The following TENM3 variants were observed in gnomAD, a reference collection of about 807,000 sequenced individuals.
TENM3 encodes teneurin transmembrane protein 3, also known as teneurin-3.
TENM3 carries 63 observed loss-of-function variants against 255.1 expected under a neutral mutation model. The observed-to-expected ratio is 0.25, with a 90% CI of 0.20 to 0.30. The LOEUF (loss-of-function observed/expected upper bound fraction) is 0.30, where lower values mean the gene tolerates loss of function less well. Among genes scored for constraint, TENM3 ranks in the 10% least tolerant of loss-of-function variants. TENM3 has a pLI of 1.00. For synonymous variants in TENM3, 1,306 were observed against 1,322.3 expected, an observed-to-expected ratio of 0.99 and a Z score of 0.27; for missense variants, 2,929 against 3,461.1, an observed-to-expected ratio of 0.85 and a Z score of 3.86.
At chr4:182,003,976 C>T in the TENM3 span, among the ~76,000 whole-genome samples, 13 of 151,856 alleles carry the variant, frequency 8.6e-5, no homozygotes, top group Non-Finnish European at 5.9e-5. Context: ...TATTCTCACT[C>T]TCTTAATGCC....
chr4:182,232,389 C>G (rs1450831011), intron 1 of TENM3, among the ~76,000 whole-genome samples: 1 of 152,102 alleles, frequency 6.6e-6, no homozygotes, highest in Non-Finnish European at 1.5e-5. Flanking sequence ...TGTTGTATAC[C>G]TATTATGTAC....
intron 1 of TENM3, among the ~76,000 whole-genome samples, chr4:182,254,322 T>TC (rs1348909952): frequency 2.8e-4 from 38 of 137,880 alleles, no homozygotes; most frequent in African/African-American, 1.2e-3. Flanking sequence ...TTGAGGACTT[T>TC]TTCTCTCTCT....
chr4:181,460,176 T>C, the TENM3 span, among the ~76,000 whole-genome samples: 5 of 152,026 alleles, frequency 3.3e-5, no homozygotes, highest in Non-Finnish European at 7.4e-5. Flanking sequence ...TTCTGCAATG[T>C]AATAAAATTT....
At position 182,801,672 on chromosome 4, in the gene TENM3, G is replaced by C. The variant is rs1321853007; in HGVS notation, c.*1321G>C. The stretch of plus-strand genomic sequence containing the variant: ...GGAAAGACAGCAGAAACCGAGCAGT[G>C]GTGGGTGAGCCAGATGGAGCCGGTC... On this transcript the variant is annotated 3_prime_UTR_variant, in exon 28 of 28. Transcript: ENST00000511685. 6.6e-6 allele frequency: 1 copy of C among 152,196 alleles called. No individual in the cohort carries two copies. Among genetic ancestry groups the C allele is most frequent in the Admixed American group, 6.5e-5 (1 of 15,276 alleles). 9.4% of individuals were successfully genotyped at this position (152,196 alleles called of 1,614,324 possible). A position where few individuals can be genotyped will look rare whatever the true frequency, so the allele number is the denominator to read the frequency against.
chr4:182,429,240 C>G (rs143660431), intron 3 of TENM3, among the ~76,000 whole-genome samples: 290 of 152,092 alleles, frequency 1.9e-3, no homozygotes, highest in African/African-American at 6.5e-3. Context: ...ATTTAGGAAC[C>G]CCAGAGGTAA....
intron 3 of TENM3, among the ~76,000 whole-genome samples, chr4:182,401,121 T>C (rs1769191899): frequency 1.3e-5 from 2 of 152,192 alleles, no homozygotes; most frequent in African/African-American, 4.8e-5. Flanking sequence ...TTGGAGTTTT[T>C]TTCCCGATGA....
At chr4:182,625,470 C>T (rs984556337) in intron 4 of TENM3, among the ~76,000 whole-genome samples, 2 of 152,112 alleles carry the variant, frequency 1.3e-5, no homozygotes, top group Non-Finnish European at 2.9e-5. Flanking sequence ...AGTTTCACCC[C>T]GAAACCATCC....
intron 3 of TENM3, among the ~76,000 whole-genome samples, chr4:182,370,942 T>G (rs1766763879): frequency 6.6e-6 from 1 of 152,188 alleles, no homozygotes; most frequent in African/African-American, 2.4e-5. Flanking sequence ...ATGGTTTTTC[T>G]GAATTTGCCT....
At chr4:182,023,184 C>T in the TENM3 span, among the ~76,000 whole-genome samples, 3 of 152,242 alleles carry the variant, frequency 2.0e-5, no homozygotes, top group East Asian at 5.8e-4. Flanking sequence ...TTTAAGAAAA[C>T]ATTCCTCTTT....
intron 1 of TENM3, among the ~76,000 whole-genome samples, chr4:182,253,763 A>C (rs898401936): frequency 6.6e-6 from 1 of 152,224 alleles, no homozygotes; most frequent in African/African-American, 2.4e-5. Context: ...TATCTAATCT[A>C]TTTTGTTTAA....
At chr4:182,463,593 G>T (rs1405868420) in intron 3 of TENM3, among the ~76,000 whole-genome samples, 1 of 151,530 alleles carries the variant, frequency 6.6e-6, no homozygotes, top group Non-Finnish European at 1.5e-5. Flanking sequence ...CAAGTAGCTG[G>T]GATTACAGGC....
chr4:182,696,010 GT>G (rs1396919715), intron 12 of TENM3, among the ~76,000 whole-genome samples: 1 of 152,140 alleles, frequency 6.6e-6, no homozygotes, highest in Non-Finnish European at 1.5e-5. Context: ...AATCACATGA[GT>G]GCACCAGAAA....
the TENM3 span, among the ~76,000 whole-genome samples, chr4:181,834,050 G>A: frequency 5.9e-5 from 9 of 151,630 alleles, no homozygotes; most frequent in South Asian, 4.2e-4. Flanking sequence ...CTCCATTGAC[G>A]TGCATTTTAG....
At chr4:182,458,450 G>A (rs1774041920) in intron 3 of TENM3, among the ~76,000 whole-genome samples, 1 of 152,182 alleles carries the variant, frequency 6.6e-6, no homozygotes, top group South Asian at 2.1e-4. Context: ...TTAGGAAGTT[G>A]AGTAAATTAG....
At chr4:182,394,431 G>A (rs182647981) in intron 3 of TENM3, among the ~76,000 whole-genome samples, 199 of 152,196 alleles carry the variant, frequency 1.3e-3, no homozygotes, top group Non-Finnish European at 2.5e-3. Context: ...CACTTATCTT[G>A]TGAAAAAATA....
the TENM3 span, among the ~76,000 whole-genome samples, chr4:181,945,501 G>A: frequency 6.6e-6 from 1 of 152,126 alleles, no homozygotes; most frequent in South Asian, 2.1e-4. Flanking sequence ...AAGAGCCCCT[G>A]CTGTCCTCAA....
chr4:182,487,155 A>G (rs1299577243), intron 3 of TENM3, among the ~76,000 whole-genome samples: 1 of 152,196 alleles, frequency 6.6e-6, no homozygotes, highest in African/African-American at 2.4e-5. Context: ...GTGGGATACA[A>G]TGTGGAAGAG....
the TENM3 span, among the ~76,000 whole-genome samples, chr4:181,684,192 C>A: frequency 0.031 from 4,760 of 152,180 alleles, 237 homozygotes; most frequent in African/African-American, 0.11. Context: ...GATTCCGGTT[C>A]CTATGCAGTG....
chr4:182,552,308 T>C (rs1261753670), intron 3 of TENM3, among the ~76,000 whole-genome samples: 10 of 152,262 alleles, frequency 6.6e-5, no homozygotes, highest in Admixed American at 5.2e-4. Context: ...TAACTCTTGA[T>C]TTGCTTTCTA....
Sources: gnomAD v4.1 joint callset for allele counts (sites outside exome capture counted in the v4.1 genomes callset) on GRCh38, gnomAD v4.1.1 for gene constraint, MANE v1.5 for transcripts, NCBI Gene and HGNC (gene_info 2026-07-23, HGNC 2026-07-21) for gene names.